The following CSNK2A2IP variants were observed in gnomAD, a reference collection of about 807,000 sequenced individuals.
The protein encoded by CSNK2A2IP is casein kinase II subunit alpha'-interacting protein.
the CSNK2A2IP span, among the ~76,000 whole-genome samples, chr3:88,455,103 C>A: frequency 2.7e-3 from 412 of 151,690 alleles, 1 homozygote; most frequent in African/African-American, 9.3e-3. Flanking sequence ...ATTGTTTGTA[C>A]ACACACACAT....
At chr3:88,359,294 T>C in the CSNK2A2IP span, among the ~76,000 whole-genome samples, 1 of 151,652 alleles carries the variant, frequency 6.6e-6, no homozygotes, top group Non-Finnish European at 1.5e-5. Flanking sequence ...TGGCTAAAGG[T>C]TGTTGATTTT....
At chr3:88,447,959 T>A in the CSNK2A2IP span, among the ~76,000 whole-genome samples, 1 of 152,218 alleles carries the variant, frequency 6.6e-6, no homozygotes, top group Non-Finnish European at 1.5e-5. Context: ...ATAACTAATT[T>A]GATTTCCAAA....
chr3:88,428,568 G>A, the CSNK2A2IP span, among the ~76,000 whole-genome samples: 2 of 152,036 alleles, frequency 1.3e-5, no homozygotes, highest in African/African-American at 4.8e-5. Flanking sequence ...TAATCATGGG[G>A]GCATTTGCCC....
chr3:88,429,821 C>T, the CSNK2A2IP span, among the ~76,000 whole-genome samples: 2 of 152,148 alleles, frequency 1.3e-5, no homozygotes, highest in African/African-American at 4.8e-5. Context: ...GCCCTGATCT[C>T]AGCTCACTGC....
the CSNK2A2IP span, chr3:88,466,524 T>G: frequency 1.8e-4 from 217 of 1,231,652 alleles, no homozygotes; most frequent in Non-Finnish European, 2.0e-4. Flanking sequence ...CAACATTAGG[T>G]TTCAGACTCC....
chr3:88,406,868 A>T, the CSNK2A2IP span, among the ~76,000 whole-genome samples: 13 of 152,272 alleles, frequency 8.5e-5, no homozygotes, highest in African/African-American at 2.9e-4. Flanking sequence ...CAGAATCCAG[A>T]TTCTGCCATG....
the CSNK2A2IP span, among the ~76,000 whole-genome samples, chr3:88,405,393 C>G: frequency 6.6e-6 from 1 of 152,146 alleles, no homozygotes; most frequent in East Asian, 1.9e-4. Flanking sequence ...ATGTTTGCTA[C>G]AGGAGATCAG....
chr3:88,387,442 T>G, the CSNK2A2IP span, among the ~76,000 whole-genome samples: 3 of 152,184 alleles, frequency 2.0e-5, no homozygotes, highest in Non-Finnish European at 4.4e-5. Context: ...ATGCTGGGAT[T>G]ACAGGCATGA....
chr3:88,356,566 G>A, the CSNK2A2IP span, among the ~76,000 whole-genome samples: 4 of 151,992 alleles, frequency 2.6e-5, no homozygotes, highest in African/African-American at 4.8e-5. Flanking sequence ...AAATGCAAGG[G>A]TACATATCTC....
the CSNK2A2IP span, among the ~76,000 whole-genome samples, chr3:88,339,367 C>T: frequency 6.6e-6 from 1 of 152,162 alleles, no homozygotes; most frequent in Non-Finnish European, 1.5e-5. Context: ...TTGCAAATGA[C>T]ATGACTTCAT....
chr3:88,454,623 T>C, the CSNK2A2IP span, among the ~76,000 whole-genome samples: 1 of 151,964 alleles, frequency 6.6e-6, no homozygotes, highest in Non-Finnish European at 1.5e-5. Flanking sequence ...ACATTTCTTT[T>C]TTATACATGT....
chr3:88,399,635 G>A, the CSNK2A2IP span: 1 of 152,194 alleles, frequency 6.6e-6, no homozygotes, highest in Non-Finnish European at 1.5e-5. Flanking sequence ...AGGCACACAG[G>A]CCTGAGACTG....
chr3:88,431,178 A>G, the CSNK2A2IP span: 1 of 152,326 alleles, frequency 6.6e-6, no homozygotes, highest in East Asian at 1.9e-4. Context: ...TCCAGTTAGA[A>G]TATTAAGTTT....
chr3:88,350,613 A>C, the CSNK2A2IP span, among the ~76,000 whole-genome samples: 2 of 151,734 alleles, frequency 1.3e-5, no homozygotes, highest in African/African-American at 4.8e-5. Flanking sequence ...AAAAAAAAAA[A>C]CAGCTTCACA....
chr3:88,430,413 T>G, the CSNK2A2IP span, among the ~76,000 whole-genome samples: 2 of 152,088 alleles, frequency 1.3e-5, no homozygotes, highest in African/African-American at 4.8e-5. Flanking sequence ...TTATATATTT[T>G]CATTATATAT....
chr3:88,351,566 T>C, the CSNK2A2IP span, among the ~76,000 whole-genome samples: 1 of 152,218 alleles, frequency 6.6e-6, no homozygotes, highest in South Asian at 2.1e-4. Flanking sequence ...TAACTTTGTG[T>C]AGGTAGACAT....
the CSNK2A2IP span, among the ~76,000 whole-genome samples, chr3:88,386,201 T>C: frequency 6.6e-6 from 1 of 152,170 alleles, no homozygotes; most frequent in Non-Finnish European, 1.5e-5. Context: ...CTCGGTTTAC[T>C]GCAACCTCCA....
chr3:88,402,641 A>G, the CSNK2A2IP span, among the ~76,000 whole-genome samples: 1 of 134,876 alleles, frequency 7.4e-6, no homozygotes, highest in Non-Finnish European at 1.8e-5. Flanking sequence ...TGTTATTTCA[A>G]ATTTGGAAAC....
the CSNK2A2IP span, among the ~76,000 whole-genome samples, chr3:88,407,090 ACTT>A: frequency 1.3e-5 from 2 of 152,022 alleles, no homozygotes; most frequent in South Asian, 2.1e-4. Flanking sequence ...AAGAAAGAAA[ACTT>A]CTTCTTCTAC....
Sources: gnomAD v4.1 joint callset for allele counts (sites outside exome capture counted in the v4.1 genomes callset) on GRCh38, gnomAD v4.1.1 for gene constraint, MANE v1.5 for transcripts, NCBI Gene and HGNC (gene_info 2026-07-23, HGNC 2026-07-21) for gene names.